RCL1: variants seen among roughly 807,000 people sequenced by gnomAD.
The protein encoded by RCL1 is RNA terminal phosphate cyclase like 1, also known as RNA 3'-terminal phosphate cyclase-like protein.
A neutral mutation model predicts 42.4 loss-of-function variants in RCL1; 24 were observed. The ratio of observed to expected loss-of-function variants is 0.57; its 90% CI spans 0.41 to 0.80. The LOEUF is 0.80. Ranked by LOEUF, RCL1 falls within the 30% of genes least tolerant of loss-of-function variation. RCL1 has a pLI of 0.00. For missense variants in RCL1, 578 were observed against 467.9 expected, an observed-to-expected ratio of 1.24 and a Z score of -2.17; for synonymous variants, 228 against 177.3, an observed-to-expected ratio of 1.29 and a Z score of -2.27.
At chr9:4,827,845 G>T (rs1816817651) in intron 3 of RCL1, among the ~76,000 whole-genome samples, 1 of 151,872 alleles carries the variant, frequency 6.6e-6, no homozygotes, top group South Asian at 2.1e-4. Flanking sequence ...TGTAGGAAGG[G>T]GTGGATTCCC....
At chr9:4,840,695 A>G (rs1000459563) in intron 5 of RCL1, among the ~76,000 whole-genome samples, 1 of 152,220 alleles carries the variant, frequency 6.6e-6, no homozygotes, top group African/African-American at 2.4e-5. Context: ...ATATTTATAA[A>G]TAGCAGCAAC....
At chr9:4,801,934 C>A (rs114792495) in intron 1 of RCL1, among the ~76,000 whole-genome samples, 1,734 of 151,460 alleles carry the variant, frequency 0.011, 33 homozygotes, top group African/African-American at 0.04. Flanking sequence ...TTTTTTGAGA[C>A]GGAATCTCGC....
At chr9:4,837,763 C>A (rs148840145) in intron 5 of RCL1, among the ~76,000 whole-genome samples, 77 of 152,270 alleles carry the variant, frequency 5.1e-4, no homozygotes, top group African/African-American at 1.7e-3. Context: ...CTGGCTTCTC[C>A]CTCTAATGTT....
intron 1 of RCL1, among the ~76,000 whole-genome samples, chr9:4,808,633 A>G (rs779191744): frequency 1.3e-5 from 2 of 152,190 alleles, no homozygotes; most frequent in African/African-American, 2.4e-5. Flanking sequence ...GAAATGCTCT[A>G]GTAAAATAGG....
At chr9:4,805,049 G>T (rs142767966) in intron 1 of RCL1, 1 of 152,326 alleles carries the variant, frequency 6.6e-6, no homozygotes, top group African/African-American at 2.4e-5. Context: ...GACTTGCTAG[G>T]TGGCTGCCTC....
chr9:4,817,471 CTT>C lies in RCL1; in HGVS notation c.137-6065_137-6064del, dbSNP rs34793899. On this transcript the variant is annotated intron_variant, in intron 1 of 8. Transcript: ENST00000381750. ...TTAATTAGCTTGATTTTTTTTTAATCTTTTTTTTTTTTTCTTTTTTGAGACAG... is the reference window on the plus strand; with the variant it reads ...TTAATTAGCTTGATTTTTTTTTAATCTTTTTTTTTTTCTTTTTTGAGACAG... Among the ~76,000 whole-genome samples the C allele has an allele frequency of 6.1e-3, 55 of 8,962 alleles. No homozygotes were observed. In the East Asian group the frequency reaches 0.088, roughly 14 times the overall value. The allele number at this position is 8,962 out of a possible 152,430, so 5.9% of individuals were successfully genotyped here.
intron 1 of RCL1, among the ~76,000 whole-genome samples, chr9:4,815,873 C>T (rs1474802267): frequency 1.3e-5 from 2 of 152,070 alleles, no homozygotes; most frequent in Non-Finnish European, 2.9e-5. Context: ...CGCTAGGATC[C>T]TCTTCCTTAC....
chr9:4,807,940 A>G (rs1816039120), intron 1 of RCL1, among the ~76,000 whole-genome samples: 1 of 152,086 alleles, frequency 6.6e-6, no homozygotes, highest in African/African-American at 2.4e-5. Context: ...AGTTCTGTTA[A>G]ATTTATTGAG....
intron 1 of RCL1, among the ~76,000 whole-genome samples, chr9:4,815,174 C>CTT (rs1252112277): frequency 1.3e-5 from 2 of 152,152 alleles, no homozygotes. Flanking sequence ...GCCTTGGGAG[C>CTT]TTTTCACCTA....
At chr9:4,830,338 G>A (rs145520172) in intron 3 of RCL1, among the ~76,000 whole-genome samples, 1 of 152,190 alleles carries the variant, frequency 6.6e-6, no homozygotes, top group Non-Finnish European at 1.5e-5. Flanking sequence ...CTTGTAGGCT[G>A]AGGAGAAGCT....
chr9:4,833,250 A>G, intron 4 of RCL1, 22 bp downstream of exon 4: 1 of 1,565,696 alleles, frequency 6.4e-7, no homozygotes, highest in African/African-American at 1.4e-5. Flanking sequence ...TGAACTGTTG[A>G]CCATATGTTC....
chr9:4,832,827 A>AT (rs1320962112), intron 3 of RCL1, among the ~76,000 whole-genome samples: 1 of 151,578 alleles, frequency 6.6e-6, no homozygotes, highest in Non-Finnish European at 1.5e-5. Flanking sequence ...AAAAAAAAAA[A>AT]AAAGTAGGGT....
intron 1 of RCL1, among the ~76,000 whole-genome samples, chr9:4,799,806 T>C (rs911654855): frequency 6.6e-6 from 1 of 152,218 alleles, no homozygotes; most frequent in Admixed American, 6.5e-5. Context: ...GTAATTTGCA[T>C]GCTTGCTACC....
chr9:4,857,736 A>T (rs889178978), intron 8 of RCL1, among the ~76,000 whole-genome samples: 2 of 152,160 alleles, frequency 1.3e-5, no homozygotes, highest in Admixed American at 6.5e-5. Flanking sequence ...CCAGCAGTGT[A>T]TGAGGGTTCT....
At chr9:4,838,889 T>G (rs1817224625) in intron 5 of RCL1, among the ~76,000 whole-genome samples, 1 of 152,210 alleles carries the variant, frequency 6.6e-6, no homozygotes, top group Admixed American at 6.5e-5. Flanking sequence ...AGAAAAGCAA[T>G]AGCTGACATT....
intron 6 of RCL1, 71 bp downstream of exon 6, chr9:4,841,428 T>A: frequency 1.6e-6 from 2 of 1,262,250 alleles, no homozygotes; most frequent in Non-Finnish European, 2.3e-6. Context: ...AAGTTAAAAC[T>A]GCCAGCTCTG....
Position 4,860,545 on chromosome 9 carries a change from C to G in RCL1, c.*270C>G. The stretch of plus-strand genomic sequence containing the variant: ...GGAGGAAGAATGTGCCTTCAGGCCA[C>G]AGTCGTGCTGCTAGAACAGTCTCGT... On this transcript the variant is annotated 3_prime_UTR_variant, in exon 9 of 9. Coordinates refer to ENST00000381750, the MANE Select transcript of RCL1 (RefSeq NM_005772.5). The G allele has an allele frequency of 9.8e-6, 4 of 408,804 alleles. No homozygotes were observed. The highest frequency in any genetic ancestry group is 6.4e-4 in the Middle Eastern group (1 of 1,568). The allele number at this position is 408,804 out of a possible 1,614,324, so 25.3% of individuals were successfully genotyped here.
At chr9:4,841,153 A>C in intron 5 of RCL1, 79 bp from the exon 6 acceptor site, 1 of 1,548,518 alleles carries the variant, frequency 6.5e-7, no homozygotes, top group Non-Finnish European at 8.9e-7. Context: ...ACAGTTCCAC[A>C]AATACTTGCC....
At chr9:4,853,217 T>A (rs544391436) in intron 8 of RCL1, among the ~76,000 whole-genome samples, 28 of 152,166 alleles carry the variant, frequency 1.8e-4, no homozygotes, top group Admixed American at 1.5e-3. Context: ...GGTGATGGGA[T>A]TGAGGCACAG....
Sources: gnomAD v4.1 joint callset for allele counts (sites outside exome capture counted in the v4.1 genomes callset) on GRCh38, gnomAD v4.1.1 for gene constraint, MANE v1.5 for transcripts, NCBI Gene and HGNC (gene_info 2026-07-23, HGNC 2026-07-21) for gene names.